LARGE1: variants seen among roughly 807,000 people sequenced by gnomAD.
The protein encoded by LARGE1 is LARGE xylosyl- and glucuronyltransferase 1.
Under a neutral mutation model 87.6 loss-of-function variants are expected in LARGE1, and 43 were observed. That is an observed-to-expected ratio of 0.49 (90% CI 0.38 to 0.63). The LOEUF is 0.63. LARGE1 is among the 30% of genes least tolerant of loss of function. LARGE1 has a pLI of 0.00. For missense variants in LARGE1, 802 were observed against 1,000.2 expected, an observed-to-expected ratio of 0.80 and a Z score of 2.67; for synonymous variants, 434 against 394.6, an observed-to-expected ratio of 1.10 and a Z score of -1.18.
chr22:33,794,347 G>T (rs2085916570), intron 1 of LARGE1, among the ~76,000 whole-genome samples: 1 of 152,164 alleles, frequency 6.6e-6, no homozygotes, highest in South Asian at 2.1e-4. Flanking sequence ...TCCCAGGTGG[G>T]CCCCAAGGGC....
intron 5 of LARGE1, among the ~76,000 whole-genome samples, chr22:33,587,344 A>T (rs1189945427): frequency 1.3e-5 from 2 of 152,212 alleles, no homozygotes; most frequent in Non-Finnish European, 1.5e-5. Flanking sequence ...GATATTGCCA[A>T]AATATCCAAA....
intron 7 of LARGE1, among the ~76,000 whole-genome samples, chr22:33,416,285 C>G: frequency 6.6e-6 from 1 of 152,190 alleles, no homozygotes; most frequent in Non-Finnish European, 1.5e-5. Context: ...CTGCTCTGGC[C>G]ATCCCAAGTA....
At chr22:33,706,801 A>G (rs2082577237) in intron 2 of LARGE1, among the ~76,000 whole-genome samples, 1 of 152,184 alleles carries the variant, frequency 6.6e-6, no homozygotes, top group Non-Finnish European at 1.5e-5. Flanking sequence ...GGCAGGTACA[A>G]TCTCAAATTC....
At chr22:33,905,274 G>T (rs1324269104) in intron 1 of LARGE1, among the ~76,000 whole-genome samples, 1 of 151,770 alleles carries the variant, frequency 6.6e-6, no homozygotes, top group Non-Finnish European at 1.5e-5. Context: ...TCACTACGTT[G>T]CCAGGGCTGG....
At chr22:33,661,216 G>GT (rs2081112449) in intron 2 of LARGE1, among the ~76,000 whole-genome samples, 2 of 122,046 alleles carry the variant, frequency 1.6e-5, no homozygotes, top group Admixed American at 1.9e-4. Flanking sequence ...AAGGTTCTAT[G>GT]ATTTTTTTTT....
chr22:33,659,855 G>A (rs2081069629), intron 2 of LARGE1, among the ~76,000 whole-genome samples: 1 of 151,538 alleles, frequency 6.6e-6, no homozygotes, highest in Non-Finnish European at 1.5e-5. Flanking sequence ...GGCTGAATGA[G>A]ATCTGACTTT....
intron 7 of LARGE1, among the ~76,000 whole-genome samples, chr22:33,425,205 T>C (rs1601793560): frequency 1.3e-5 from 2 of 152,116 alleles, no homozygotes; most frequent in African/African-American, 4.8e-5. Context: ...GAGGTTGCAG[T>C]GAGCCGAGAT....
intron 5 of LARGE1, among the ~76,000 whole-genome samples, chr22:33,574,642 G>A (rs899471205): frequency 6.6e-6 from 1 of 151,236 alleles, no homozygotes; most frequent in Admixed American, 6.6e-5. Context: ...CAAATATTGG[G>A]AGAAAAGCAT....
Position 33,802,394 on chromosome 22 carries a change from C to T in LARGE1, c.-82-40836G>A, listed in dbSNP as rs565929168. On this transcript the variant is annotated intron_variant, in intron 1 of 14. Transcript: ENST00000397394. ...GGAGTCTTCCTTTGATTATCACTGGCAGGTGAATGAAGGCAGCTGCCACCT... is the reference window on the plus strand; with the variant it reads ...GGAGTCTTCCTTTGATTATCACTGGTAGGTGAATGAAGGCAGCTGCCACCT... Among the ~76,000 whole-genome samples the T allele has an allele frequency of 1.1e-4, 17 of 152,300 alleles. No homozygotes were observed. The East Asian group carries it at 2.7e-3, about 24-fold the overall frequency.
At chr22:33,756,638 G>A (rs776491618) in intron 2 of LARGE1, among the ~76,000 whole-genome samples, 37 of 152,220 alleles carry the variant, frequency 2.4e-4, no homozygotes, top group Non-Finnish European at 8.8e-5. Context: ...AGAATCTGGC[G>A]TGGCTGGGTA....
intron 1 of LARGE1, among the ~76,000 whole-genome samples, chr22:33,807,458 C>A (rs547126606): frequency 1.3e-5 from 2 of 152,262 alleles, no homozygotes; most frequent in Admixed American, 6.5e-5. Flanking sequence ...TGCACAGCTT[C>A]CCCCAATCTC....
intron 1 of LARGE1, among the ~76,000 whole-genome samples, chr22:33,884,620 T>G (rs2146783771): frequency 6.6e-6 from 1 of 152,334 alleles, no homozygotes; most frequent in East Asian, 1.9e-4. Context: ...CCCGCGGAGC[T>G]GCCAGATTCT....
intron 6 of LARGE1, among the ~76,000 whole-genome samples, chr22:33,464,774 C>G (rs993762256): frequency 6.6e-6 from 1 of 152,062 alleles, no homozygotes; most frequent in Non-Finnish European, 1.5e-5. Context: ...ACTGGAATAA[C>G]CATTTTGGAA....
intron 6 of LARGE1, among the ~76,000 whole-genome samples, chr22:33,528,735 G>T (rs2072038392): frequency 6.6e-6 from 1 of 151,964 alleles, no homozygotes; most frequent in South Asian, 2.1e-4. Context: ...CGAGGGAGGG[G>T]GCATAACGAG....
At position 33,521,057 on chromosome 22, in the gene LARGE1, G is replaced by A. The variant is rs2071560380; in HGVS notation, c.787+43791C>T. ...GAGGAGCCTGGATGAGTGTATTTTG[G>A]CACTGTTGCCTGGTTGCAAAATGAG... is the stretch of plus-strand genomic sequence containing the variant. On this transcript the variant is annotated intron_variant, in intron 6 of 14. Coordinates refer to ENST00000397394, the MANE Select transcript of LARGE1 (RefSeq NM_133642.5). 4.6e-5 allele frequency among the ~76,000 whole-genome samples: 7 copies of A among 152,214 alleles called. No homozygotes were observed. In the South Asian group the frequency reaches 1.4e-3, roughly 32 times the overall value.
At chr22:33,331,763 C>A (rs1398785488) in intron 10 of LARGE1, among the ~76,000 whole-genome samples, 1 of 152,130 alleles carries the variant, frequency 6.6e-6, no homozygotes, top group Non-Finnish European at 1.5e-5. Context: ...CAACTCCCAG[C>A]AGGTCCTCGA....
chr22:33,569,782 A>ACAG (rs965325686), intron 5 of LARGE1, among the ~76,000 whole-genome samples: 8 of 152,118 alleles, frequency 5.3e-5, no homozygotes, highest in Admixed American at 6.6e-5. Context: ...TTCCTCCAGC[A>ACAG]CAGCATGTTA....
In LARGE1 at chr22:33,633,677, T is replaced by G. The variant is rs1303204998; in HGVS notation, c.409-7351A>C. 2.0e-5 allele frequency among the ~76,000 whole-genome samples: 3 copies of G among 152,058 alleles called. No homozygotes were observed. In the East Asian group the frequency reaches 5.8e-4, roughly 29 times the overall value. On this transcript the variant is annotated intron_variant, in intron 3 of 14. Coordinates refer to ENST00000397394, the MANE Select transcript of LARGE1 (RefSeq NM_133642.5). The stretch of plus-strand genomic sequence containing the variant: ...GTTAAGCATCTCCTATCAGACAGAC[T>G]GAGAGAGTGAGAGGCGAAACCCATT...
chr22:33,609,283 C>T (rs1186774154), intron 4 of LARGE1, among the ~76,000 whole-genome samples: 1 of 152,212 alleles, frequency 6.6e-6, no homozygotes, highest in Non-Finnish European at 1.5e-5. Context: ...CCACCCACAA[C>T]AGCTGAGCTT....
Sources: allele counts gnomAD v4.1 joint callset (sites outside exome capture counted in the v4.1 genomes callset), GRCh38; gene constraint gnomAD v4.1.1; transcripts MANE v1.5; gene names NCBI Gene and HGNC (gene_info 2026-07-23, HGNC 2026-07-21).